Variants in MGST1 observed in about 807,000 individuals in gnomAD.
The protein encoded by MGST1 is microsomal glutathione S-transferase 1.
Under a neutral mutation model 8.9 loss-of-function variants are expected in MGST1, and 5 were observed. The ratio of observed to expected loss-of-function variants is 0.56; its 90% confidence interval spans 0.29 to 1.19. The LOEUF is 1.19. Ranked by LOEUF, MGST1 falls within the 50% of genes most tolerant of loss-of-function variation. The pLI, the probability that MGST1 is intolerant of heterozygous loss-of-function variation, is 0.08. For missense variants in MGST1, 182 were observed against 187.4 expected (o/e 0.97, Z 0.17); for synonymous variants, 54 against 67.8 (o/e 0.80, Z 1.00).
chr12:16,551,981 A>C (rs959559563), intron 4 of MGST1, among the ~76,000 whole-genome samples: 2 of 152,012 alleles, frequency 1.3e-5, no homozygotes, highest in African/African-American at 4.8e-5. Flanking sequence ...GAGCACTTCC[A>C]ATTCAACCAA....
chr12:16,399,667 AG>A (rs1252888600), intron 1 of MGST1: 7 of 1,555,094 alleles, frequency 4.5e-6, no homozygotes, highest in Non-Finnish European at 6.2e-6. Context: ...AGAAAAGACC[AG>A]ACACCTTGTT....
intron 4 of MGST1, among the ~76,000 whole-genome samples, chr12:16,564,463 G>A (rs1267262906): frequency 6.6e-6 from 1 of 152,218 alleles, no homozygotes; most frequent in African/African-American, 2.4e-5. Context: ...CGGACTGGGG[G>A]TAGGGAAAAA....
intron 1 of MGST1, among the ~76,000 whole-genome samples, chr12:16,420,916 C>T (rs80320929): frequency 0.077 from 11,766 of 152,126 alleles, 527 homozygotes; most frequent in East Asian, 0.14. Flanking sequence ...CTCCGGCATT[C>T]GGATTGATCT....
intron 4 of MGST1, among the ~76,000 whole-genome samples, chr12:16,533,820 G>T (rs573043298): frequency 2.6e-5 from 4 of 152,246 alleles, no homozygotes; most frequent in Admixed American, 2.6e-4. Context: ...GGGCTTGCAG[G>T]TTAGAGAAGC....
chr12:16,370,043 T>A (rs1940265572), intron 3 of MGST1: 1 of 152,228 alleles, frequency 6.6e-6, no homozygotes, highest in African/African-American at 2.4e-5. Flanking sequence ...GTCCGCTTTG[T>A]TATGCTAGTA....
downstream of MGST1, among the ~76,000 whole-genome samples, chr12:16,380,275 A>G (rs1395970487): frequency 2.5e-5 from 3 of 121,784 alleles, no homozygotes; most frequent in African/African-American, 8.6e-5. Flanking sequence ...TCTTGTGGGC[A>G]TTTAGTGCTA....
chr12:16,392,518 G>A (rs550199696), intron 1 of MGST1, among the ~76,000 whole-genome samples: 17 of 152,184 alleles, frequency 1.1e-4, no homozygotes, highest in African/African-American at 3.6e-4. Context: ...ATACATTTCA[G>A]TTTCATTTTT....
At position 16,537,119 on chromosome 12, in the gene MGST1, G is replaced by A. The variant is rs1941760956; in HGVS notation, n.483-52409G>A. Among the ~76,000 whole-genome samples, 1 of 152,150 alleles carries A rather than the reference G, an allele frequency of 6.6e-6. No individual in the cohort carries two copies. The highest frequency in any genetic ancestry group is 1.5e-5 in the Non-Finnish European group (1 of 68,040). ...CTTCCTAGATACAACGGGGATACAG[G>A]TATTGGGTAAATACAGCTGTTCCAA... On this transcript the variant is annotated intron_variant and non_coding_transcript_variant, in intron 4 of 4. Coordinates refer to the MGST1 transcript ENST00000538857. This position sits in a 1 kb window ranked among gnomAD's most constrained non-coding sequence, Gnocchi z 4.6.
downstream of MGST1, among the ~76,000 whole-genome samples, chr12:16,368,143 C>T (rs148662736): frequency 8.6e-4 from 131 of 152,190 alleles, no homozygotes; most frequent in African/African-American, 2.9e-3. Flanking sequence ...GCCACCTTCC[C>T]GATCTAACAT....
chr12:16,583,269 A>G (rs1034253036), intron 4 of MGST1, among the ~76,000 whole-genome samples: 1 of 152,132 alleles, frequency 6.6e-6, no homozygotes, highest in African/African-American at 2.4e-5. Context: ...AGGAGTGCAA[A>G]GGAGGTTGAG....
At position 16,514,879 on chromosome 12, in the gene MGST1, G is replaced by A. The variant is rs79191525; in HGVS notation, n.483-74649G>A. ...CTGTGGCTGGTGTCTGGAACATTGT[G>A]GCTCTAAACAAAACTCTACCCTATC... On this transcript the variant is annotated intron_variant and non_coding_transcript_variant, in intron 4 of 4. Transcript: ENST00000538857. Among the ~76,000 whole-genome samples, 161 of 152,304 alleles carry A rather than the reference G, an allele frequency of 1.1e-3. 2 individuals are homozygous for A. The East Asian group carries it at 0.025, about 24-fold the overall frequency.
At chr12:16,419,024 C>T (rs1284940730) in intron 1 of MGST1, among the ~76,000 whole-genome samples, 7 of 152,020 alleles carry the variant, frequency 4.6e-5, no homozygotes, top group East Asian at 3.9e-4. Context: ...TATTCAGAGA[C>T]GGTAGCTCTA....
At chr12:16,428,098 C>T (rs1487439709) in intron 1 of MGST1, among the ~76,000 whole-genome samples, 2 of 151,694 alleles carry the variant, frequency 1.3e-5, no homozygotes, top group Non-Finnish European at 2.9e-5. Flanking sequence ...TCTCTTCAAA[C>T]CAGAGTTTTT....
Position 16,403,127 on chromosome 12 carries a change from G to A in MGST1, n.778+19523G>A, listed in dbSNP as rs538126332. Among the ~76,000 whole-genome samples the A allele has an allele frequency of 7.2e-5, 11 of 152,032 alleles. 1 individual carries two copies. Among genetic ancestry groups the A allele is most frequent in the South Asian group, 4.2e-4 (2 of 4,814 alleles). On this transcript the variant is annotated intron_variant and non_coding_transcript_variant, in intron 1 of 1. Coordinates refer to the MGST1 transcript ENST00000359720. Reference sequence around the variant, plus strand: ...GTAATATGAATACCTAAGACTGTAAGTTTCCAAGAAATACAGCTTTAGCTG... The same window carrying A: ...GTAATATGAATACCTAAGACTGTAAATTTCCAAGAAATACAGCTTTAGCTG...
intron 1 of MGST1, among the ~76,000 whole-genome samples, chr12:16,427,389 A>AT (rs1043881623): frequency 5.9e-5 from 9 of 152,104 alleles, no homozygotes; most frequent in African/African-American, 1.9e-4. Flanking sequence ...AATCAAACTG[A>AT]TTTTTTTGTC....
rs1943201818 is a variant in MGST1, at chr12:16,582,823, G to A, written n.483-6705G>A. On this transcript the variant is annotated intron_variant and non_coding_transcript_variant, in intron 4 of 4. Transcript: ENST00000538857. This position sits in a 1 kb window ranked among gnomAD's most constrained non-coding sequence, Gnocchi z 4.1. ...AGCACTTTGGGAGGCCAAATTGAGT[G>A]GATCACCTGAGGTCAGGAGTTCGAG... Among the ~76,000 whole-genome samples the A allele has an allele frequency of 6.6e-6, 1 of 152,116 alleles. No individual in the cohort carries two copies. Among genetic ancestry groups the A allele is most frequent in the South Asian group, 2.1e-4 (1 of 4,832 alleles).
rs926903979 is a variant in MGST1, at chr12:16,376,063, C to T, written c.222-59C>T. On this transcript the variant is annotated intron_variant, in intron 3 of 3. Coordinates refer to the MGST1 transcript ENST00000535309. ...TATATAAATGTATTTTATGTGTTCA[C>T]GTGTGTGTATATAGTCTTTGAAGGA... is the stretch of plus-strand genomic sequence containing the variant. 68 of 1,164,274 alleles carry T rather than the reference C, an allele frequency of 5.8e-5. 1 individual carries two copies. Among genetic ancestry groups the T allele is most frequent in the South Asian group, 2.6e-4 (15 of 58,352 alleles). 72.1% of individuals were successfully genotyped at this position (1,164,274 alleles called of 1,614,324 possible). A position where few individuals can be genotyped will look rare whatever the true frequency, so the allele number is the denominator to read the frequency against.
chr12:16,502,322 A>G lies in MGST1; in HGVS notation n.483-87206A>G, dbSNP rs1385635256. Reference sequence around the variant, plus strand: ...CCAAACTACAAATTCATGGCTCTTAATCCAATTTGAAGTTAACTCCCCAAG... The same window carrying G: ...CCAAACTACAAATTCATGGCTCTTAGTCCAATTTGAAGTTAACTCCCCAAG... On this transcript the variant is annotated intron_variant and non_coding_transcript_variant, in intron 4 of 4. Transcript: ENST00000538857. 2.0e-5 allele frequency among the ~76,000 whole-genome samples: 3 copies of G among 152,188 alleles called. No homozygotes were observed. The East Asian group carries it at 5.8e-4, about 29-fold the overall frequency.
At chr12:16,522,676 A>G (rs1305010290) in intron 4 of MGST1, among the ~76,000 whole-genome samples, 1 of 152,088 alleles carries the variant, frequency 6.6e-6, no homozygotes, top group Non-Finnish European at 1.5e-5. Flanking sequence ...GGGTGAGAAG[A>G]TTATTTTTCC....
Sources: gnomAD v4.1 joint callset for allele counts (sites outside exome capture counted in the v4.1 genomes callset) on GRCh38, gnomAD v4.1.1 for gene constraint, Gnocchi (gnomAD v3.1) non-coding constraint, MANE v1.5 for transcripts, NCBI Gene and HGNC (gene_info 2026-07-23, HGNC 2026-07-21) for gene names.